The following NEURL1B variants were observed in gnomAD, a reference collection of about 807,000 sequenced individuals.
NEURL1B encodes the protein E3 ubiquitin-protein ligase NEURL1B.
In NEURL1B, 13 loss-of-function variants were observed where a neutral mutation model predicts 37.4. The observed-to-expected ratio is 0.35, with a 90% CI of 0.23 to 0.55. The LOEUF is 0.55. Ranked by LOEUF, NEURL1B falls within the 20% of genes least tolerant of loss-of-function variation. The pLI is 0.89. For missense variants in NEURL1B, 790 were observed against 879.2 expected (o/e 0.90, Z 1.28); for synonymous variants, 432 against 426.6 (o/e 1.01, Z -0.16).
rs550393957 is a variant in NEURL1B, at chr5:172,652,876, T to A, written c.31+11439T>A. 1.2e-4 allele frequency among the ~76,000 whole-genome samples: 18 copies of A among 152,328 alleles called. No homozygotes were observed. In the South Asian group the frequency reaches 2.3e-3, roughly 19 times the overall value. ...AGAAAGAGTAATAGAATCAAGAGTT[T>A]AGCTTTAGTCTGGAAGGGTTTTCCC... On this transcript the variant is annotated intron_variant, in intron 1 of 4. Transcript: ENST00000369800.
intron 1 of NEURL1B, among the ~76,000 whole-genome samples, chr5:172,645,300 G>A (rs1010752720): frequency 1.3e-5 from 2 of 152,174 alleles, no homozygotes; most frequent in Admixed American, 1.3e-4. Context: ...TGTAAGTGCT[G>A]CATCCAGACA....
chr5:172,641,352 A>G lies in NEURL1B; in HGVS notation c.-55A>G. The G allele has an allele frequency of 7.3e-7, 1 of 1,374,892 alleles. No homozygotes were observed. Among genetic ancestry groups the G allele is most frequent in the Non-Finnish European group, 9.4e-7 (1 of 1,063,718 alleles). The allele number at this position is 1,374,892 out of a possible 1,614,324, so 85.2% of individuals were successfully genotyped here. ...GTCCTGGTCCCTGGCCCGCCGCGTA[A>G]TTAGCCTCCGCGCGCCCAGAGCGCG... On this transcript the variant is annotated 5_prime_UTR_variant, in exon 1 of 5. It removes the in-frame stop codon of an upstream open reading frame in the 5' UTR. Transcript: ENST00000369800. This position sits in a 1 kb window ranked among gnomAD's most constrained non-coding sequence, Gnocchi z 6.4.
At chr5:172,648,013 G>A (rs1309978521) in intron 1 of NEURL1B, among the ~76,000 whole-genome samples, 3 of 152,146 alleles carry the variant, frequency 2.0e-5, no homozygotes, top group South Asian at 2.1e-4. Flanking sequence ...AAGGGCCCAG[G>A]TGAGGGTGAG....
At chr5:172,653,699 G>T (rs1329183004) in intron 1 of NEURL1B, among the ~76,000 whole-genome samples, 2 of 152,070 alleles carry the variant, frequency 1.3e-5, no homozygotes, top group Non-Finnish European at 2.9e-5. Context: ...ACATTCTTAT[G>T]CCTCTTTATA....
intron 1 of NEURL1B, chr5:172,656,668 T>C: frequency 3.2e-6 from 5 of 1,573,400 alleles, no homozygotes; most frequent in Non-Finnish European, 4.3e-6. Flanking sequence ...GCCTACTTCT[T>C]GGGCTGTTTC....
At chr5:172,655,026 T>C (rs778681439) in intron 1 of NEURL1B, among the ~76,000 whole-genome samples, 12 of 152,056 alleles carry the variant, frequency 7.9e-5, no homozygotes, top group Non-Finnish European at 1.5e-4. Flanking sequence ...CTCTCCTCTC[T>C]CTCTGCTGGT....
Position 172,661,331 on chromosome 5 carries a change from C to T in NEURL1B, c.32-8454C>T, listed in dbSNP as rs1178336895. Reference sequence around the variant, plus strand: ...TTGAATATCAGATTGTGCATGGAGTCTGGGTATGTTTCTGGCGGGGAAGCC... The same window carrying T: ...TTGAATATCAGATTGTGCATGGAGTTTGGGTATGTTTCTGGCGGGGAAGCC... On this transcript the variant is annotated intron_variant, in intron 1 of 4. Transcript: ENST00000369800. This position sits in a 1 kb window ranked among gnomAD's most constrained non-coding sequence, Gnocchi z 4.0. 1.3e-5 allele frequency among the ~76,000 whole-genome samples: 2 copies of T among 152,178 alleles called. No individual in the cohort carries two copies. Among genetic ancestry groups the T allele is most frequent in the Non-Finnish European group, 2.9e-5 (2 of 68,038 alleles).
At position 172,690,270 on chromosome 5, in the gene NEURL1B, C is replaced by A; in HGVS notation, c.*3345C>A. The A allele has an allele frequency of 6.6e-6, 1 of 152,346 alleles. No homozygotes were observed. The allele number at this position is 152,346 out of a possible 1,614,324, so 9.4% of individuals were successfully genotyped here. A position where few individuals can be genotyped will look rare whatever the true frequency, so the allele number is the denominator to read the frequency against. On this transcript the variant is annotated 3_prime_UTR_variant, in exon 5 of 5. Coordinates refer to ENST00000369800, the MANE Select transcript of NEURL1B (RefSeq NM_001142651.3). ...AGCAGGTTCTCAGAACGGGGAGTCC[C>A]CTGGGATGGAGCTGCTCCCCTCACG...
intron 2 of NEURL1B, among the ~76,000 whole-genome samples, chr5:172,680,084 ACAG>A (rs1758319163): frequency 1.3e-5 from 2 of 152,198 alleles, no homozygotes; most frequent in Non-Finnish European, 2.9e-5. Context: ...CACCCAGCAC[ACAG>A]CAGCGCTGGG....
At chr5:172,673,814 C>CAAAAA (rs34986749) in intron 2 of NEURL1B, among the ~76,000 whole-genome samples, 5 of 124,428 alleles carry the variant, frequency 4.0e-5, no homozygotes, top group South Asian at 2.7e-4. Flanking sequence ...CGTACTTATG[C>CAAAAA]AAAAAAAAAA....
chr5:172,682,887 A>C (rs1479924504), intron 2 of NEURL1B, among the ~76,000 whole-genome samples: 1 of 152,198 alleles, frequency 6.6e-6, no homozygotes, highest in Non-Finnish European at 1.5e-5. Context: ...TGTGAGCTCA[A>C]TAGCAGGCAG....
Position 172,686,057 on chromosome 5 carries a change from C to G in NEURL1B, c.1298-114C>G. The G allele has an allele frequency of 7.8e-7, 1 of 1,279,060 alleles. No homozygotes were observed. The highest frequency in any genetic ancestry group is 1.1e-6 in the Non-Finnish European group (1 of 932,968). The allele number at this position is 1,279,060 out of a possible 1,614,324, so 79.2% of individuals were successfully genotyped here. The stretch of plus-strand genomic sequence containing the variant: ...CTCCTCAGCAGAACCCTGGGAGATA[C>G]CTCTGGTCCTCTCGTTAGACGGGAA... On this transcript the variant is annotated intron_variant, in intron 3 of 4. Transcript: ENST00000369800. This position sits in a 1 kb window ranked among gnomAD's most constrained non-coding sequence, Gnocchi z 7.9.
intron 1 of NEURL1B, among the ~76,000 whole-genome samples, chr5:172,650,970 A>G (rs1757652157): frequency 6.6e-6 from 1 of 152,138 alleles, no homozygotes; most frequent in Non-Finnish European, 1.5e-5. Context: ...AGATAATCTG[A>G]ATGAGTTAGA....
In NEURL1B at chr5:172,689,336, A is replaced by C. The variant is rs548569377; in HGVS notation, c.*2411A>C. 2 of 152,408 alleles carry C rather than the reference A, an allele frequency of 1.3e-5. No homozygotes were observed. Among genetic ancestry groups the C allele is most frequent in the East Asian group, 3.9e-4 (2 of 5,190 alleles). 9.4% of individuals were successfully genotyped at this position (152,408 alleles called of 1,614,324 possible). ...CCACTGTACTTTATTTTGCACCTAC[A>C]GCGTGCCTTGGCACTGGGCTAGAGA... On this transcript the variant is annotated 3_prime_UTR_variant, in exon 5 of 5. Transcript: ENST00000369800.
Position 172,683,641 on chromosome 5 carries a change from C to A in NEURL1B, c.800C>A (p.Pro267Gln). 8.1e-7 allele frequency: 1 copy of A among 1,240,900 alleles called. No individual in the cohort carries two copies. The highest frequency in any genetic ancestry group is 1.0e-6 in the Non-Finnish European group (1 of 984,378). The allele number at this position is 1,240,900 out of a possible 1,614,324, so 76.9% of individuals were successfully genotyped here. The change falls in exon 3 of 5, where the codon CCG becomes CAG. Residue 267 changes from proline to glutamine, a missense_variant. Pro to Gln is a moderately conservative substitution (Grantham distance 76, BLOSUM62 -1). Coordinates refer to ENST00000369800, the MANE Select transcript of NEURL1B (RefSeq NM_001142651.3). The surrounding 1 kb of genome is among the most constrained non-coding windows in gnomAD (Gnocchi z 5.6). ...ATTCCGTGCGGGCCCCGTGAGCGCCCGCGGCCCGCGTCGTCGCCGGCGCTA... is the reference window on the plus strand; with the variant it reads ...ATTCCGTGCGGGCCCCGTGAGCGCCAGCGGCCCGCGTCGTCGCCGGCGCTA... ...AAIPCGPRER[P>Q]RPASSPALLE...
intron 2 of NEURL1B, among the ~76,000 whole-genome samples, chr5:172,677,654 G>C (rs1186037511): frequency 6.6e-6 from 1 of 152,146 alleles, no homozygotes; most frequent in South Asian, 2.1e-4. Flanking sequence ...CCTCTCCCTT[G>C]GTGCCCACCC....
chr5:172,660,669 C>T (rs1355574835), intron 1 of NEURL1B, among the ~76,000 whole-genome samples: 1 of 152,178 alleles, frequency 6.6e-6, no homozygotes, highest in African/African-American at 2.4e-5. Context: ...GAGATGTAGT[C>T]TCCCTCTGTC....
Position 172,683,703 on chromosome 5 carries a change from C to A in NEURL1B, c.862C>A (p.Pro288Thr). ...ADLRFHATRG[P>T]DVSLSADRKV... ...CCTGCGCTTCCACGCAACACGCGGG[C>A]CCGACGTGAGCCTGTCGGCCGACCG... is the stretch of plus-strand genomic sequence containing the variant. The change falls in exon 3 of 5, where the codon CCC becomes ACC. Residue 288 changes from proline (P) to threonine (T), a missense_variant. Transcript: ENST00000369800. The surrounding 1 kb of genome is among the most constrained non-coding windows in gnomAD (Gnocchi z 5.6). 8 of 1,359,296 alleles carry A rather than the reference C, an allele frequency of 5.9e-6. No individual in the cohort carries two copies. The highest frequency in any genetic ancestry group is 7.6e-6 in the Non-Finnish European group (8 of 1,048,376). The allele number at this position is 1,359,296 out of a possible 1,614,324, so 84.2% of individuals were successfully genotyped here.
chr5:172,641,323 C>T lies in NEURL1B; in HGVS notation c.-84C>T. ...AGCTGCGATGCCCCGGAGCGTCGAC[C>T]CCGGTCCTGGTCCCTGGCCCGCCGC... On this transcript the variant is annotated 5_prime_UTR_variant, in exon 1 of 5. Transcript: ENST00000369800. This position sits in a 1 kb window ranked among gnomAD's most constrained non-coding sequence, Gnocchi z 6.4. 1 of 1,235,750 alleles carries T rather than the reference C, an allele frequency of 8.1e-7. No homozygotes were observed. The highest frequency in any genetic ancestry group is 1.0e-6 in the Non-Finnish European group (1 of 973,246). 76.5% of individuals were successfully genotyped at this position (1,235,750 alleles called of 1,614,324 possible).
Sources: gnomAD v4.1 joint callset for allele counts (sites outside exome capture counted in the v4.1 genomes callset) on GRCh38, gnomAD v4.1.1 for gene constraint, Gnocchi (gnomAD v3.1) non-coding constraint, MANE v1.5 for transcripts, NCBI Gene and HGNC (gene_info 2026-07-23, HGNC 2026-07-21) for gene names.